The following AGBL1 variants were observed in gnomAD, a reference collection of about 807,000 sequenced individuals.
AGBL1 encodes cytosolic carboxypeptidase 4.
A neutral mutation model predicts 118.9 loss-of-function variants in AGBL1; 130 were observed. The observed-to-expected ratio is 1.09, with a 90% CI of 0.95 to 1.26. The LOEUF (loss-of-function observed/expected upper bound fraction) is 1.26. Ranked by LOEUF, AGBL1 falls within the 50% of genes most tolerant of loss-of-function variation. AGBL1 has a pLI of 0.00. For synonymous variants in AGBL1, 555 were observed against 478.9 expected (o/e 1.16, Z -2.08); for missense variants, 1,584 against 1,298.1 (o/e 1.22, Z -3.38).
chr15:86,618,800 C>T (rs1006423630), intron 21 of AGBL1, among the ~76,000 whole-genome samples: 55 of 152,050 alleles, frequency 3.6e-4, no homozygotes, highest in African/African-American at 1.3e-3. Context: ...TTCTAAGATG[C>T]CCGTTTTGCC....
intron 21 of AGBL1, among the ~76,000 whole-genome samples, chr15:86,628,991 T>G (rs1427477199): frequency 2.0e-5 from 3 of 152,160 alleles, no homozygotes; most frequent in Admixed American, 6.5e-5. Flanking sequence ...TTTGTGTATC[T>G]GATGAGAACA....
chr15:86,227,142 C>T (rs1182745957), intron 6 of AGBL1, among the ~76,000 whole-genome samples: 2 of 152,024 alleles, frequency 1.3e-5, no homozygotes, highest in South Asian at 2.1e-4. Flanking sequence ...AATCTAACAT[C>T]CATGCATAGA....
chr15:86,177,809 G>A (rs1367504652), intron 5 of AGBL1, among the ~76,000 whole-genome samples: 1 of 152,120 alleles, frequency 6.6e-6, no homozygotes, highest in Non-Finnish European at 1.5e-5. Context: ...TTATAGACCA[G>A]TAGGCACATA....
chr15:86,257,150 A>G (rs1036279417), intron 8 of AGBL1, 132 bp downstream of exon 8: 104 of 1,037,686 alleles, frequency 1.0e-4, no homozygotes, highest in Non-Finnish European at 1.3e-4. Flanking sequence ...CTAATTAGAG[A>G]CATATATGAA....
intron 5 of AGBL1, among the ~76,000 whole-genome samples, chr15:86,224,184 T>C (rs2078323086): frequency 6.6e-6 from 1 of 152,142 alleles, no homozygotes; most frequent in Non-Finnish European, 1.5e-5. Context: ...ATAATTATAC[T>C]ACACTGCCCT....
intron 23 of AGBL1, among the ~76,000 whole-genome samples, chr15:86,949,358 G>C: frequency 6.6e-6 from 1 of 152,204 alleles, no homozygotes; most frequent in Middle Eastern, 3.4e-3. Context: ...AAACTGTAGC[G>C]AGGTATGCCC....
chr15:86,410,589 A>G (rs1378922357), intron 18 of AGBL1, among the ~76,000 whole-genome samples: 4 of 151,558 alleles, frequency 2.6e-5, no homozygotes, highest in Non-Finnish European at 1.5e-5. Context: ...CTTCAAAACT[A>G]TTAAGTACTG....
At chr15:86,796,010 G>A (rs1046887207) in intron 22 of AGBL1, among the ~76,000 whole-genome samples, 7 of 151,962 alleles carry the variant, frequency 4.6e-5, no homozygotes, top group African/African-American at 1.7e-4. Context: ...AGGCACTCAA[G>A]ACTATGCAGC....
At chr15:86,213,717 C>G (rs183440436) in intron 5 of AGBL1, among the ~76,000 whole-genome samples, 7 of 152,204 alleles carry the variant, frequency 4.6e-5, no homozygotes, top group Non-Finnish European at 7.4e-5. Context: ...AGTTAGTCAT[C>G]AAATACAAGA....
chr15:86,266,958 C>T, intron 12 of AGBL1, 32 bp from the exon 13 acceptor site: 3 of 1,447,866 alleles, frequency 2.1e-6, no homozygotes, highest in South Asian at 2.4e-5. Context: ...AGTGATAACA[C>T]ATATGTTCAC....
chr15:86,919,353 C>G (rs2080461481), downstream of AGBL1, among the ~76,000 whole-genome samples: 1 of 152,168 alleles, frequency 6.6e-6, no homozygotes, highest in Non-Finnish European at 1.5e-5. Context: ...CGAAAGACAG[C>G]CTTACCTGAG....
chr15:86,129,131 G>T (rs998159649), intron 1 of AGBL1, among the ~76,000 whole-genome samples: 16 of 152,128 alleles, frequency 1.1e-4, no homozygotes, highest in Non-Finnish European at 2.2e-4. Context: ...ATTCAAAAAT[G>T]AATATAATGT....
chr15:86,336,411 G>A (rs1266891424), intron 17 of AGBL1, among the ~76,000 whole-genome samples: 3 of 152,236 alleles, frequency 2.0e-5, no homozygotes, highest in Non-Finnish European at 4.4e-5. Context: ...AACTTATTAT[G>A]AAGCATAAAG....
chr15:86,859,000 C>T (rs2141475851), intron 22 of AGBL1, among the ~76,000 whole-genome samples: 1 of 152,262 alleles, frequency 6.6e-6, no homozygotes, highest in East Asian at 1.9e-4. Flanking sequence ...GCTCATATAC[C>T]TTCCAAATGG....
At chr15:86,566,868 T>A (rs1045669888) in intron 21 of AGBL1, among the ~76,000 whole-genome samples, 1 of 152,236 alleles carries the variant, frequency 6.6e-6, no homozygotes, top group African/African-American at 2.4e-5. Context: ...CTGTGTCAGA[T>A]GTAGAGTTCC....
intron 22 of AGBL1, among the ~76,000 whole-genome samples, chr15:86,890,943 G>C (rs139807066): frequency 2.2e-3 from 337 of 152,180 alleles, no homozygotes; most frequent in Non-Finnish European, 3.5e-3. Flanking sequence ...GAATGTCAGT[G>C]GTAGTTTAAT....
chr15:86,132,289 G>A (rs2076830347), intron 1 of AGBL1, among the ~76,000 whole-genome samples: 1 of 152,146 alleles, frequency 6.6e-6, no homozygotes. Context: ...TAGAGGCAGG[G>A]AGGAGCCTCC....
chr15:86,941,073 A>G (rs985716674), intron 23 of AGBL1, among the ~76,000 whole-genome samples: 4 of 152,222 alleles, frequency 2.6e-5, no homozygotes, highest in Non-Finnish European at 5.9e-5. Context: ...TAGATAAACC[A>G]TACTCTTTGG....
intron 18 of AGBL1, among the ~76,000 whole-genome samples, chr15:86,455,366 A>C (rs936676826): frequency 6.6e-6 from 1 of 152,190 alleles, no homozygotes; most frequent in Admixed American, 6.6e-5. Context: ...AAAGTCTCTA[A>C]GAGTTTTCAA....
Sources: gnomAD v4.1 joint callset for allele counts (sites outside exome capture counted in the v4.1 genomes callset) on GRCh38, gnomAD v4.1.1 for gene constraint, MANE v1.5 for transcripts, NCBI Gene and HGNC (gene_info 2026-07-23, HGNC 2026-07-21) for gene names.